The following TMOD1 variants were observed in gnomAD, a reference collection of about 807,000 sequenced individuals.
TMOD1 encodes tropomodulin-1.
In TMOD1, 17 loss-of-function variants were observed where a neutral mutation model predicts 40.6. The ratio of observed to expected loss-of-function variants is 0.42; its 90% confidence interval spans 0.29 to 0.63. The LOEUF is 0.63. TMOD1 is among the 20% of genes least tolerant of loss of function. TMOD1 has a pLI of 0.22. For synonymous variants in TMOD1, 181 were observed against 175.0 expected (o/e 1.03, Z -0.27); for missense variants, 391 against 447.6 (o/e 0.87, Z 1.14).
chr9:97,524,734 T>G (rs7019809), intron 2 of TMOD1, among the ~76,000 whole-genome samples: 8,218 of 151,988 alleles, frequency 0.054, 730 homozygotes, highest in African/African-American at 0.19. Flanking sequence ...TTAGTTTGAA[T>G]CCGAAGGCAG....
rs570335240 is a variant in TMOD1 at position 97,601,600 on chromosome 9, A to G, written c.*1902A>G. On this transcript the variant is annotated 3_prime_UTR_variant, in exon 10 of 10. Coordinates refer to ENST00000259365, the MANE Select transcript of TMOD1 (RefSeq NM_003275.4). ...CTGCTGGTCTAGATCAGGGGCTGGC[A>G]AACTTTTCTGTAAAAGGCCAGACAG... 28 of 987,276 alleles carry G rather than the reference A, an allele frequency of 2.8e-5. No individual in the cohort carries two copies. The highest frequency in any genetic ancestry group is 3.1e-5 in the Non-Finnish European group (26 of 831,262). 61.2% of individuals were successfully genotyped at this position (987,276 alleles called of 1,614,324 possible).
intron 3 of TMOD1, among the ~76,000 whole-genome samples, chr9:97,551,031 T>A (rs1210281690): frequency 0.27 from 22,394 of 84,394 alleles, 2,258 homozygotes; most frequent in East Asian, 0.43. Flanking sequence ...TTTTTTTTTT[T>A]TTTTTTTTTT....
chr9:97,584,680 T>A (rs991398804), intron 8 of TMOD1, among the ~76,000 whole-genome samples: 2 of 152,198 alleles, frequency 1.3e-5, no homozygotes, highest in Non-Finnish European at 2.9e-5. Context: ...TGAATCTGGG[T>A]GCTCCTGTAT....
chr9:97,570,523 C>CT lies in TMOD1; in HGVS notation c.870+1497dup, dbSNP rs1022315656. On this transcript the variant is annotated intron_variant, in intron 8 of 9. Transcript: ENST00000259365. ...CAAATTGGCACACCATGCATCAGGG[C>CT]TTTTTTTTTTTCTTTGAGAGCCAGG... Among the ~76,000 whole-genome samples, 259 of 147,186 alleles carry CT rather than the reference C, an allele frequency of 1.8e-3. 1 individual carries two copies. Among genetic ancestry groups the CT allele is most frequent in the African/African-American group, 6.0e-3 (241 of 40,368 alleles).
At chr9:97,562,643 G>A in intron 4 of TMOD1, 89 bp from the exon 5 acceptor site, 1 of 913,896 alleles carries the variant, frequency 1.1e-6, no homozygotes, top group Non-Finnish European at 1.6e-6. Context: ...ATTTCTGTGA[G>A]CCAGAGTTCC....
chr9:97,516,294 CAG>C (rs1829806841), intron 1 of TMOD1: 1 of 152,260 alleles, frequency 6.6e-6, no homozygotes, highest in Admixed American at 6.5e-5. Context: ...TCTGGGAACA[CAG>C]AGAGATGTGG....
intron 1 of TMOD1, among the ~76,000 whole-genome samples, chr9:97,505,443 G>A (rs1377596019): frequency 6.6e-6 from 1 of 152,174 alleles, no homozygotes; most frequent in African/African-American, 2.4e-5. Flanking sequence ...ATTCTGGAGG[G>A]TGATGAGTTG....
chr9:97,507,218 G>A (rs1192123040), intron 1 of TMOD1, among the ~76,000 whole-genome samples: 2 of 152,200 alleles, frequency 1.3e-5, no homozygotes, highest in Non-Finnish European at 2.9e-5. Flanking sequence ...GGGCAGTGCT[G>A]GGATGGGAAC....
At chr9:97,521,960 T>C (rs1002546236) in intron 1 of TMOD1, among the ~76,000 whole-genome samples, 2 of 152,232 alleles carry the variant, frequency 1.3e-5, no homozygotes, top group African/African-American at 2.4e-5. Flanking sequence ...TTTGGATCGA[T>C]TGGTTGACTG....
chr9:97,555,993 G>A (rs867585), intron 4 of TMOD1, among the ~76,000 whole-genome samples: 76,593 of 151,790 alleles, frequency 0.5, 19,481 homozygotes, highest in Middle Eastern at 0.61. Flanking sequence ...CTGGGGACCC[G>A]GGGAGGGGGT....
At chr9:97,520,332 A>G (rs1425857172) in intron 1 of TMOD1, among the ~76,000 whole-genome samples, 1 of 152,178 alleles carries the variant, frequency 6.6e-6, no homozygotes, top group Non-Finnish European at 1.5e-5. Context: ...CTCTTCTCTT[A>G]GGAAACAGAG....
intron 8 of TMOD1, among the ~76,000 whole-genome samples, chr9:97,575,498 G>T (rs188012532): frequency 6.6e-6 from 1 of 152,226 alleles, no homozygotes; most frequent in African/African-American, 2.4e-5. Context: ...TATCTCAAAG[G>T]GGGAGGAGTT....
At position 97,600,521 on chromosome 9, in the gene TMOD1, C is replaced by T. The variant is rs1826233375; in HGVS notation, c.*823C>T. 1.0e-6 allele frequency: 1 copy of T among 985,502 alleles called. No individual in the cohort carries two copies. 61.0% of individuals were successfully genotyped at this position (985,502 alleles called of 1,614,324 possible). A position where few individuals can be genotyped will look rare whatever the true frequency, so the allele number is the denominator to read the frequency against. On this transcript the variant is annotated 3_prime_UTR_variant, in exon 10 of 10. Coordinates refer to ENST00000259365, the MANE Select transcript of TMOD1 (RefSeq NM_003275.4). ...TACGGCCAAATACTTTTGAAAACAC[C>T]TTTCTATATTGCACAGTGGGCAAAT...
chr9:97,558,998 C>T (rs949182823), intron 4 of TMOD1, among the ~76,000 whole-genome samples: 2 of 152,228 alleles, frequency 1.3e-5, no homozygotes, highest in Admixed American at 1.3e-4. Flanking sequence ...CCGCCTCCAT[C>T]CCTTTTCTAG....
In TMOD1 at chr9:97,546,198, C is replaced by T; in HGVS notation, c.134C>T (p.Pro45Leu). ...DELDPDNALL[P>L]AGLRQKDQTT... ...CCTCCAATGTAGAATGCACTGCTGC[C>T]TGCAGGCCTGAGGCAGAAGGATCAG... The change falls in exon 3 of 10, where the codon CCT (proline) becomes CTT (leucine). Residue 45 changes from proline to leucine, a missense_variant. Physicochemically the swap from Pro to Leu is moderately conservative, Grantham distance 98 (BLOSUM62 -3). Coordinates refer to ENST00000259365, the MANE Select transcript of TMOD1 (RefSeq NM_003275.4). The T allele has an allele frequency of 6.2e-7, 1 of 1,613,084 alleles. No homozygotes were observed. Among genetic ancestry groups the T allele is most frequent in the South Asian group, 1.1e-5 (1 of 90,984 alleles).
Position 97,501,681 on chromosome 9 carries a change from C to T in TMOD1, c.-171C>T, listed in dbSNP as rs1475134090. On this transcript the variant is annotated 5_prime_UTR_variant, in exon 1 of 10. Coordinates refer to ENST00000259365, the MANE Select transcript of TMOD1 (RefSeq NM_003275.4). ...GGCCGCCCGGGAGCTCGTCCAGCCC[C>T]GCGCTGCGCTCGCCCGCCCGCTGCC... 6.7e-6 allele frequency: 1 copy of T among 148,748 alleles called. No individual in the cohort carries two copies. The highest frequency in any genetic ancestry group is 1.5e-5 in the Non-Finnish European group (1 of 66,546). 9.2% of individuals were successfully genotyped at this position (148,748 alleles called of 1,614,324 possible).
chr9:97,598,467 G>T, intron 9 of TMOD1, among the ~76,000 whole-genome samples: 1 of 152,312 alleles, frequency 6.6e-6, no homozygotes, highest in African/African-American at 2.4e-5. Flanking sequence ...GCGTTGGAGG[G>T]GCTCCGATGA....
intron 8 of TMOD1, among the ~76,000 whole-genome samples, chr9:97,575,500 G>A (rs1004808837): frequency 2.6e-5 from 4 of 152,242 alleles, no homozygotes; most frequent in African/African-American, 9.6e-5. Flanking sequence ...TCTCAAAGGG[G>A]GAGGAGTTCC....
rs1260323115 is a variant in TMOD1, at chr9:97,502,900, G to A, written c.-49+1097G>A. ...TGGCCACAGTTTCCCGGTCTATATC[G>A]GGCCTATGATGCGTCCTCCAACCTG... On this transcript the variant is annotated intron_variant, in intron 1 of 9. Coordinates refer to ENST00000259365, the MANE Select transcript of TMOD1 (RefSeq NM_003275.4). This position sits in a 1 kb window ranked among gnomAD's most constrained non-coding sequence, Gnocchi z 6.1. 6.6e-6 allele frequency among the ~76,000 whole-genome samples: 1 copy of A among 152,088 alleles called. No individual in the cohort carries two copies. Among genetic ancestry groups the A allele is most frequent in the African/African-American group, 2.4e-5 (1 of 41,410 alleles).
Sources: gnomAD v4.1 joint callset for allele counts (sites outside exome capture counted in the v4.1 genomes callset) on GRCh38, gnomAD v4.1.1 for gene constraint, Gnocchi (gnomAD v3.1) non-coding constraint, MANE v1.5 for transcripts, NCBI Gene and HGNC (gene_info 2026-07-23, HGNC 2026-07-21) for gene names.